Variants in ITGB3 observed in about 807,000 individuals in gnomAD.
The protein encoded by ITGB3 is integrin subunit beta 3.
A neutral mutation model predicts 85.8 loss-of-function variants in ITGB3; 48 were observed. The ratio of observed to expected loss-of-function variants is 0.56; its 90% CI spans 0.44 to 0.71. The LOEUF (loss-of-function observed/expected upper bound fraction) is 0.71, where lower values mean the gene tolerates loss of function less well. ITGB3 is among the 30% of genes least tolerant of loss of function. The pLI is 0.00. For synonymous variants in ITGB3, 363 were observed against 395.6 expected, an observed-to-expected ratio of 0.92 and a Z score of 0.98; for missense variants, 861 against 1,019.1, an observed-to-expected ratio of 0.84 and a Z score of 2.11.
intron 1 of ITGB3, among the ~76,000 whole-genome samples, chr17:47,257,156 C>T (rs1318478111): frequency 6.6e-6 from 1 of 152,202 alleles, no homozygotes; most frequent in African/African-American, 2.4e-5. Flanking sequence ...TCTTCCTATC[C>T]ATGCTATCTG....
chr17:47,266,717 G>A (rs567146590), intron 1 of ITGB3, among the ~76,000 whole-genome samples: 5 of 152,190 alleles, frequency 3.3e-5, no homozygotes, highest in African/African-American at 1.2e-4. Flanking sequence ...AGCTGGGACT[G>A]CTGGTGCATG....
In ITGB3 at chr17:47,299,521, C is replaced by G. The variant is rs753524011; in HGVS notation, c.1904C>G (p.Thr635Ser). The G allele has an allele frequency of 2.5e-6, 4 of 1,614,058 alleles. No individual in the cohort carries two copies. Among genetic ancestry groups the G allele is most frequent in the Non-Finnish European group, 3.4e-6 (4 of 1,179,910 alleles). The change falls in exon 11 of 15, where the codon ACC (threonine) becomes AGC (serine). Residue 635 changes from threonine to serine, a missense_variant. Coordinates refer to ENST00000559488, the MANE Select transcript of ITGB3 (RefSeq NM_000212.3). The surrounding 1 kb of genome is among the most constrained non-coding windows in gnomAD (Gnocchi z 5.1). The stretch of plus-strand genomic sequence containing the variant: ...TGCCCCACCTGCCCAGATGCCTGCA[C>G]CTTTAAGAAGTGAGTGTGGAGTCTG... ...EKCPTCPDAC[T>S]FKKECVECKK...
chr17:47,268,851 T>G (rs535788694), intron 1 of ITGB3, among the ~76,000 whole-genome samples: 110 of 152,330 alleles, frequency 7.2e-4, no homozygotes, highest in African/African-American at 2.5e-3. Flanking sequence ...AACCCATATT[T>G]CCCTTGTGCA....
intron 1 of ITGB3, among the ~76,000 whole-genome samples, chr17:47,270,290 A>C (rs1286349375): frequency 6.6e-6 from 1 of 152,106 alleles, no homozygotes; most frequent in African/African-American, 2.4e-5. Context: ...TGTGAATATC[A>C]ATGGCATTTA....
In ITGB3 at chr17:47,292,388, T is replaced by G. The variant is rs2065130195; in HGVS notation, c.1510T>G (p.Tyr504Asp). 1 of 1,613,740 alleles carries G rather than the reference T, an allele frequency of 6.2e-7. No individual in the cohort carries two copies. The highest frequency in any genetic ancestry group is 1.7e-5 in the Admixed American group (1 of 60,000). ...CCAGTGTGAGTGCTCAGAGGAGGAC[T>G]ATCGCCCTTCCCAGCAGGACGAATG... ...GSQCECSEED[Y>D]RPSQQDECSP... The change falls in exon 10 of 15, where the codon TAT (tyrosine) becomes GAT (aspartate). Residue 504 changes from tyrosine (Y) to aspartate (D), a missense_variant. Transcript: ENST00000559488.
intron 1 of ITGB3, among the ~76,000 whole-genome samples, chr17:47,272,576 C>T (rs1205089521): frequency 6.6e-6 from 1 of 152,060 alleles, no homozygotes; most frequent in Non-Finnish European, 1.5e-5. Context: ...CAGATAATCC[C>T]TAAGCATGGT....
intron 6 of ITGB3, among the ~76,000 whole-genome samples, chr17:47,289,445 C>G (rs1342639932): frequency 6.6e-6 from 1 of 152,074 alleles, no homozygotes; most frequent in African/African-American, 2.4e-5. Flanking sequence ...GCCTCAGCCT[C>G]CCCAGTAGCT....
intron 1 of ITGB3, among the ~76,000 whole-genome samples, chr17:47,270,565 A>G (rs933789616): frequency 2.6e-5 from 4 of 152,218 alleles, no homozygotes; most frequent in Non-Finnish European, 5.9e-5. Flanking sequence ...CTTTCATTAT[A>G]GACATTGCAT....
intron 2 of ITGB3, among the ~76,000 whole-genome samples, chr17:47,280,390 T>C (rs1331109566): frequency 6.6e-6 from 1 of 152,166 alleles, no homozygotes; most frequent in African/African-American, 2.4e-5. Context: ...GGGGTCTCAC[T>C]CTGTCACCCA....
At chr17:47,273,772 T>G (rs1019197603) in intron 1 of ITGB3, among the ~76,000 whole-genome samples, 5 of 152,212 alleles carry the variant, frequency 3.3e-5, no homozygotes, top group African/African-American at 1.2e-4. Context: ...ACTCTAAAAT[T>G]CCATGTTCTT....
intron 13 of ITGB3, among the ~76,000 whole-genome samples, 166 bp from the exon 14 acceptor site, chr17:47,307,305 A>G (rs550210677): frequency 1.3e-5 from 2 of 152,294 alleles, no homozygotes; most frequent in Non-Finnish European, 2.9e-5. Context: ...CTCAGTGCAG[A>G]TTATTGCTGT....
rs768738760 is a variant in ITGB3, at chr17:47,290,958, T to C, written c.1130T>C (p.Ile377Thr). ...LQLIVDAYGK[I>T]RSKVELEVRD... is the part of the protein sequence containing the mutation. ...CTTGTGCCCCTTTCTGCTCAGAAAA[T>C]CCGTTCTAAAGTAGAGCTGGAAGTG... The change falls in exon 9 of 15, where the codon ATC becomes ACC. Residue 377 changes from isoleucine (I) to threonine (T), a missense_variant. Coordinates refer to ENST00000559488, the MANE Select transcript of ITGB3 (RefSeq NM_000212.3). 1.2e-6 allele frequency: 2 copies of C among 1,614,092 alleles called. No homozygotes were observed. The highest frequency in any genetic ancestry group is 8.5e-7 in the Non-Finnish European group (1 of 1,180,010).
chr17:47,265,990 T>G (rs2065023862), intron 1 of ITGB3, among the ~76,000 whole-genome samples: 1 of 152,228 alleles, frequency 6.6e-6, no homozygotes, highest in African/African-American at 2.4e-5. Flanking sequence ...ACTTAGCTGA[T>G]GCTACATTTA....
At chr17:47,289,875 A>G in intron 7 of ITGB3, 99 bp downstream of exon 7, 2 of 892,766 alleles carry the variant, frequency 2.2e-6, no homozygotes, top group South Asian at 1.3e-5. Context: ...CAATCAGGAA[A>G]GAGTCTCCCC....
chr17:47,303,262 A>AAAC (rs1377557257), intron 13 of ITGB3, among the ~76,000 whole-genome samples: 94 of 152,140 alleles, frequency 6.2e-4, no homozygotes, highest in African/African-American at 2.1e-3. Flanking sequence ...AAAAACAAAC[A>AAAC]AACAACAACA....
intron 3 of ITGB3, 62 bp downstream of exon 3, chr17:47,283,611 A>G: frequency 6.7e-7 from 1 of 1,496,266 alleles, no homozygotes. Flanking sequence ...CACAAGGTGG[A>G]GGTCTGAGGA....
chr17:47,264,518 G>A (rs2065019219), intron 1 of ITGB3, among the ~76,000 whole-genome samples: 1 of 152,126 alleles, frequency 6.6e-6, no homozygotes, highest in Non-Finnish European at 1.5e-5. Context: ...GCACTCAGCA[G>A]CCAGGATGAT....
intron 6 of ITGB3, among the ~76,000 whole-genome samples, chr17:47,287,508 T>C (rs973635272): frequency 6.6e-6 from 1 of 152,170 alleles, no homozygotes; most frequent in African/African-American, 2.4e-5. Flanking sequence ...ACCCAAAGGA[T>C]TTTTACAACC....
At chr17:47,297,749 G>T (rs763884019) in intron 10 of ITGB3, among the ~76,000 whole-genome samples, 35 of 151,946 alleles carry the variant, frequency 2.3e-4, no homozygotes, top group Non-Finnish European at 4.4e-4. Flanking sequence ...AGCTGCAGTG[G>T]CACATGCCTG....
Sources: gnomAD v4.1 joint callset for allele counts (sites outside exome capture counted in the v4.1 genomes callset) on GRCh38, gnomAD v4.1.1 for gene constraint, Gnocchi (gnomAD v3.1) non-coding constraint, MANE v1.5 for transcripts, NCBI Gene and HGNC (gene_info 2026-07-23, HGNC 2026-07-21) for gene names.